The following KLHL29 variants were observed in gnomAD, a reference collection of about 807,000 sequenced individuals.
The protein encoded by KLHL29 is kelch like family member 29, also known as kelch-like protein 29.
Under a neutral mutation model 80.4 loss-of-function variants are expected in KLHL29, and 21 were observed. The ratio of observed to expected loss-of-function variants is 0.26; its 90% confidence interval spans 0.19 to 0.38. KLHL29 has a LOEUF of 0.38. Among genes scored for constraint, KLHL29 ranks in the 10% least tolerant of loss-of-function variants. The pLI is 1.00. For synonymous variants in KLHL29, 511 were observed against 526.8 expected (o/e 0.97, Z 0.41); for missense variants, 867 against 1,223.9 (o/e 0.71, Z 4.35).
At chr2:23,617,192 C>T (rs1669041018) in intron 3 of KLHL29, 1 of 152,308 alleles carries the variant, frequency 6.6e-6, no homozygotes, top group Non-Finnish European at 1.5e-5. Context: ...GCAGCCTCCT[C>T]CTTCAGCCAG....
chr2:23,404,978 T>C (rs574032026), intron 1 of KLHL29, among the ~76,000 whole-genome samples: 12 of 152,256 alleles, frequency 7.9e-5, no homozygotes, highest in Admixed American at 3.3e-4. Context: ...GAGTACCTAC[T>C]GTGTGTCAGC....
intron 1 of KLHL29, among the ~76,000 whole-genome samples, chr2:23,446,943 A>G (rs570523532): frequency 1.3e-5 from 2 of 152,316 alleles, no homozygotes; most frequent in South Asian, 4.1e-4. Flanking sequence ...TCCTCAAAGG[A>G]ACTTTTCTTG....
intron 7 of KLHL29, 146 bp downstream of exon 7, chr2:23,692,022 A>C (rs1216238457): frequency 5.5e-6 from 4 of 731,400 alleles, no homozygotes; most frequent in African/African-American, 1.8e-5. Flanking sequence ...GGGCTGTTTT[A>C]AGATGGTAAT....
At chr2:23,672,565 C>T (rs1670796107) in intron 5 of KLHL29, among the ~76,000 whole-genome samples, 1 of 152,132 alleles carries the variant, frequency 6.6e-6, no homozygotes, top group Non-Finnish European at 1.5e-5. Context: ...TGGCCACCCA[C>T]CCCTCCTTCC....
chr2:23,426,535 TC>T (rs1163965734), intron 1 of KLHL29, among the ~76,000 whole-genome samples: 1 of 152,212 alleles, frequency 6.6e-6, no homozygotes, highest in Non-Finnish European at 1.5e-5. Context: ...GGAAGGCCTT[TC>T]AGGCATGTAA....
intron 2 of KLHL29, among the ~76,000 whole-genome samples, chr2:23,529,115 A>G (rs762159597): frequency 6.6e-6 from 1 of 152,174 alleles, no homozygotes; most frequent in Non-Finnish European, 1.5e-5. Flanking sequence ...CCTTTTTACT[A>G]ATTTTTTTTA....
chr2:23,645,065 T>C (rs969911477), intron 5 of KLHL29, among the ~76,000 whole-genome samples: 1 of 152,130 alleles, frequency 6.6e-6, no homozygotes, highest in African/African-American at 2.4e-5. Flanking sequence ...GAAGAAAGAG[T>C]GACGCACGCG....
At chr2:23,583,732 C>T (rs1406944446) in intron 3 of KLHL29, among the ~76,000 whole-genome samples, 1 of 152,180 alleles carries the variant, frequency 6.6e-6, no homozygotes, top group African/African-American at 2.4e-5. Flanking sequence ...CTGGTTATAA[C>T]CCTCACAGAA....
chr2:23,552,910 T>C lies in KLHL29; in HGVS notation c.-45-9242T>C, dbSNP rs1484075173. Among the ~76,000 whole-genome samples, 3 of 151,936 alleles carry C rather than the reference T, an allele frequency of 2.0e-5. No homozygotes were observed. In the East Asian group the frequency reaches 5.8e-4, roughly 29 times the overall value. On this transcript the variant is annotated intron_variant, in intron 2 of 13. Transcript: ENST00000486442. ...AAGTAGCTGGGATTACAGGAGCCCG[T>C]CATCACATCCAGCCAATTTTTGTAT...
chr2:23,546,669 C>T (rs890966067), intron 2 of KLHL29, among the ~76,000 whole-genome samples: 3 of 152,100 alleles, frequency 2.0e-5, no homozygotes, highest in African/African-American at 7.2e-5. Flanking sequence ...GGAGGAGCTC[C>T]CCACTCTACC....
At chr2:23,563,389 G>C (rs1572403308) in intron 3 of KLHL29, among the ~76,000 whole-genome samples, 1 of 152,366 alleles carries the variant, frequency 6.6e-6, no homozygotes, top group Admixed American at 6.5e-5. Flanking sequence ...CCGAGCAGGG[G>C]CTGTGCAGGC....
At chr2:23,414,946 TAGTC>T (rs1180992867) in intron 1 of KLHL29, among the ~76,000 whole-genome samples, 1 of 152,206 alleles carries the variant, frequency 6.6e-6, no homozygotes, top group Non-Finnish European at 1.5e-5. Context: ...AAAAGGATAT[TAGTC>T]AGCCCAGAGT....
intron 2 of KLHL29, among the ~76,000 whole-genome samples, chr2:23,508,569 A>C (rs1402771885): frequency 6.6e-6 from 1 of 152,190 alleles, no homozygotes; most frequent in Non-Finnish European, 1.5e-5. Context: ...AAGAGGAGAG[A>C]ATTAGGCTCC....
rs561093445 is a variant in KLHL29, at chr2:23,480,789, T to C, written c.-46+5122T>C. ...TGGCTATGTTGTACTATGTTCATCTTGCGCCACCCCACATGAACTCTACGG... is the reference window on the plus strand; with the variant it reads ...TGGCTATGTTGTACTATGTTCATCTCGCGCCACCCCACATGAACTCTACGG... On this transcript the variant is annotated intron_variant, in intron 2 of 13. Coordinates refer to ENST00000486442, the MANE Select transcript of KLHL29 (RefSeq NM_052920.2). Among the ~76,000 whole-genome samples, 67 of 152,316 alleles carry C rather than the reference T, an allele frequency of 4.4e-4. 1 individual carries two copies. In the South Asian group the frequency reaches 0.013, roughly 29 times the overall value.
chr2:23,455,126 C>G (rs1228683140), intron 1 of KLHL29, among the ~76,000 whole-genome samples: 1 of 152,124 alleles, frequency 6.6e-6, no homozygotes, highest in African/African-American at 2.4e-5. Flanking sequence ...GTGGCCTCTT[C>G]TCAGGCCTGG....
chr2:23,700,394 CAT>C lies in KLHL29; in HGVS notation c.2106-2791_2106-2790del, dbSNP rs1299000767. 6.6e-6 allele frequency among the ~76,000 whole-genome samples: 1 copy of C among 152,182 alleles called. No individual in the cohort carries two copies. Among genetic ancestry groups the C allele is most frequent in the African/African-American group, 2.4e-5 (1 of 41,436 alleles). On this transcript the variant is annotated intron_variant, in intron 11 of 13. Coordinates refer to ENST00000486442, the MANE Select transcript of KLHL29 (RefSeq NM_052920.2). The surrounding 1 kb of genome is among the most constrained non-coding windows in gnomAD (Gnocchi z 4.6). ...TTCATCACTTCCTAATTTTTTACTA[CAT>C]GTTACTACTCTCTTGGGCCTTGAGG...
chr2:23,696,087 C>T lies in KLHL29; in HGVS notation c.1878C>T (p.Arg626=), dbSNP rs372397960. ...TGGCCTCGCTGCCCTTCTATGACCG[C>T]GAGTTCTTCAGTGTAGTGAGTGCAG... is the stretch of plus-strand genomic sequence containing the variant. ...YPLASLPFYD[R]EFFSVVSAGD... Residue 626 remains arginine, a synonymous_variant, in exon 10 of 14, where the codon CGC becomes CGT. Coordinates refer to ENST00000486442, the MANE Select transcript of KLHL29 (RefSeq NM_052920.2). This position sits in a 1 kb window ranked among gnomAD's most constrained non-coding sequence, Gnocchi z 5.5. The T allele has an allele frequency of 2.4e-5, 37 of 1,551,708 alleles. No homozygotes were observed. Among genetic ancestry groups the T allele is most frequent in the South Asian group, 9.5e-5 (8 of 84,068 alleles).
rs1377240011 is a variant in KLHL29 at position 23,669,293 on chromosome 2, G to C, written c.941-15106G>C. The stretch of plus-strand genomic sequence containing the variant: ...CAGAGAGAAGTAAACAGACTCAGCA[G>C]AGTGCTGAGCCAAGTGTGATGGGAC... On this transcript the variant is annotated intron_variant, in intron 5 of 13. Coordinates refer to ENST00000486442, the MANE Select transcript of KLHL29 (RefSeq NM_052920.2). This position sits in a 1 kb window ranked among gnomAD's most constrained non-coding sequence, Gnocchi z 4.3. The C allele has an allele frequency of 5.3e-5, 8 of 152,256 alleles. No homozygotes were observed. The highest frequency in any genetic ancestry group is 5.2e-4 in the Admixed American group (8 of 15,280). The allele number at this position is 152,256 out of a possible 1,614,324, so 9.4% of individuals were successfully genotyped here.
intron 3 of KLHL29, among the ~76,000 whole-genome samples, chr2:23,606,534 G>A (rs1303319657): frequency 1.3e-5 from 2 of 152,172 alleles, no homozygotes; most frequent in Non-Finnish European, 1.5e-5. Flanking sequence ...CATCCTGACC[G>A]ATTTAACAAT....
Sources: gnomAD v4.1 joint callset for allele counts (sites outside exome capture counted in the v4.1 genomes callset) on GRCh38, gnomAD v4.1.1 for gene constraint, Gnocchi (gnomAD v3.1) non-coding constraint, MANE v1.5 for transcripts, NCBI Gene and HGNC (gene_info 2026-07-23, HGNC 2026-07-21) for gene names.